ALK: variants seen among roughly 807,000 people sequenced by gnomAD.
The protein encoded by ALK is ALK tyrosine kinase receptor.
A neutral mutation model predicts 163.1 loss-of-function variants in ALK; 74 were observed. The observed-to-expected ratio is 0.45, with a 90% confidence interval of 0.38 to 0.55. The LOEUF (loss-of-function observed/expected upper bound fraction) is 0.55. ALK is among the 20% of genes least tolerant of loss of function. ALK has a pLI of 0.00. For synonymous variants in ALK, 960 were observed against 843.2 expected (o/e 1.14, Z -2.40); for missense variants, 2,063 against 2,105.3 (o/e 0.98, Z 0.39).
chr2:29,540,595 A>ATT (rs766415504), intron 3 of ALK, among the ~76,000 whole-genome samples: 4 of 144,074 alleles, frequency 2.8e-5, no homozygotes, highest in African/African-American at 7.9e-5. Flanking sequence ...TTTTTTTTAA[A>ATT]AAAAAAAAAC....
intron 3 of ALK, among the ~76,000 whole-genome samples, chr2:29,565,986 G>A (rs1674175025): frequency 6.6e-6 from 1 of 152,222 alleles, no homozygotes; most frequent in Non-Finnish European, 1.5e-5. Flanking sequence ...TTACTTCTTC[G>A]AGTGACTCTC....
chr2:29,741,814 C>A (rs989768819), intron 1 of ALK, among the ~76,000 whole-genome samples: 1 of 152,160 alleles, frequency 6.6e-6, no homozygotes, highest in African/African-American at 2.4e-5. Flanking sequence ...GACATGGGAT[C>A]CAAGCTGCAG....
chr2:29,713,543 C>G (rs1679165913), intron 2 of ALK, among the ~76,000 whole-genome samples: 1 of 152,160 alleles, frequency 6.6e-6, no homozygotes, highest in Admixed American at 6.5e-5. Context: ...TCAGACTGAT[C>G]ATTTAGCTAA....
chr2:29,873,689 G>A (rs1377319931), intron 1 of ALK, among the ~76,000 whole-genome samples: 1 of 152,050 alleles, frequency 6.6e-6, no homozygotes, highest in Non-Finnish European at 1.5e-5. Flanking sequence ...ACAGGAAGAA[G>A]CAGATGCCTC....
chr2:29,333,088 T>C (rs1290290258), intron 5 of ALK, among the ~76,000 whole-genome samples: 1 of 152,154 alleles, frequency 6.6e-6, no homozygotes, highest in Non-Finnish European at 1.5e-5. Context: ...TTGGATTTCT[T>C]TGATAGCCAG....
intron 1 of ALK, among the ~76,000 whole-genome samples, chr2:29,900,995 G>GAGCGAGCA (rs1553377660): frequency 6.7e-6 from 1 of 148,600 alleles, no homozygotes; most frequent in African/African-American, 2.5e-5. Context: ...GAGAGAGAGA[G>GAGCGAGCA]AGCAAGCAAG....
intron 5 of ALK, among the ~76,000 whole-genome samples, chr2:29,348,208 C>T (rs1668009396): frequency 6.6e-6 from 1 of 152,084 alleles, no homozygotes; most frequent in Non-Finnish European, 1.5e-5. Flanking sequence ...CCAAGTTGCT[C>T]CATCTCTCCT....
rs949487239 is a variant in ALK, at chr2:29,453,396, AT to A, written c.1155-69538del. Among the ~76,000 whole-genome samples the A allele has an allele frequency of 2.0e-3, 298 of 148,262 alleles. 2 individuals carry two copies. The highest frequency in any genetic ancestry group is 7.1e-3 in the Middle Eastern group (2 of 282). On this transcript the variant is annotated intron_variant, in intron 4 of 28. Transcript: ENST00000389048. ...CAAGTGTGCACCAACATGCCTGGCA[AT>A]TTTTTTTTTTAATTTTTTGGTAGAG...
chr2:29,279,141 G>A lies in ALK; in HGVS notation c.1818-3645C>T, dbSNP rs116288130. On this transcript the variant is annotated intron_variant, in intron 9 of 28. Coordinates refer to ENST00000389048, the MANE Select transcript of ALK (RefSeq NM_004304.5). ...CTCTTAGCATGGATGGGATGATGCC[G>A]GCTGAGGCTGGAATGGTTTCTAAAT... is the stretch of plus-strand genomic sequence containing the variant. Among the ~76,000 whole-genome samples the A allele has an allele frequency of 9.4e-3, 1,426 of 152,304 alleles. 25 individuals are homozygous for A. Among genetic ancestry groups the A allele is most frequent in the Non-Finnish European group, 0.015 (1,027 of 68,032 alleles).
chr2:29,394,683 TAG>T (rs1460237877), intron 4 of ALK, among the ~76,000 whole-genome samples: 1 of 152,190 alleles, frequency 6.6e-6, no homozygotes, highest in African/African-American at 2.4e-5. Flanking sequence ...TTTCTGTGAT[TAG>T]AGTCCCAGGT....
intron 26 of ALK, among the ~76,000 whole-genome samples, chr2:29,202,820 ATTTTTG>A (rs1337349897): frequency 1.3e-5 from 2 of 151,952 alleles, no homozygotes; most frequent in African/African-American, 2.4e-5. Flanking sequence ...TTTTGTTTTT[ATTTTTG>A]TTTTTGTTTT....
intron 11 of ALK, among the ~76,000 whole-genome samples, chr2:29,257,996 G>T (rs1001764697): frequency 6.6e-6 from 1 of 152,094 alleles, no homozygotes; most frequent in Non-Finnish European, 1.5e-5. Flanking sequence ...ATGCCACCAT[G>T]CTCAGCTAAA....
At chr2:29,897,334 T>C (rs1315630220) in intron 1 of ALK, among the ~76,000 whole-genome samples, 1 of 146,932 alleles carries the variant, frequency 6.8e-6, no homozygotes, top group Admixed American at 6.8e-5. Flanking sequence ...TGAGACTCCA[T>C]CTCAAAAAAA....
Position 29,718,217 on chromosome 2 carries a change from G to A in ALK, c.668-520C>T, listed in dbSNP as rs185378136. Among the ~76,000 whole-genome samples, 356 of 152,302 alleles carry A rather than the reference G, an allele frequency of 2.3e-3. 1 individual carries two copies. The highest frequency in any genetic ancestry group is 8.2e-3 in the African/African-American group (340 of 41,560). ...TTGTCAGGGTTGTGGGGGAAGCTAG[G>A]TGACCGGAGTTTTCCCAAAGCCAAG... On this transcript the variant is annotated intron_variant, in intron 1 of 28. Coordinates refer to ENST00000389048, the MANE Select transcript of ALK (RefSeq NM_004304.5).
chr2:29,723,631 C>CACACT (rs1395569272), intron 1 of ALK, among the ~76,000 whole-genome samples: 1 of 152,192 alleles, frequency 6.6e-6, no homozygotes, highest in East Asian at 1.9e-4. Flanking sequence ...AGGCTAAGCA[C>CACACT]ACACTCTGCC....
chr2:29,613,132 A>G (rs1222990107), intron 3 of ALK, among the ~76,000 whole-genome samples: 4 of 152,342 alleles, frequency 2.6e-5, no homozygotes, highest in South Asian at 2.1e-4. Context: ...TTGTTTACTC[A>G]TAAGTGTTCT....
chr2:29,700,289 T>C (rs1678693977), intron 2 of ALK, among the ~76,000 whole-genome samples: 1 of 152,170 alleles, frequency 6.6e-6, no homozygotes, highest in Admixed American at 6.5e-5. Flanking sequence ...CTCACGCCTG[T>C]AATCCCAGCA....
At chr2:29,686,363 T>C (rs1678240278) in intron 3 of ALK, among the ~76,000 whole-genome samples, 1 of 152,180 alleles carries the variant, frequency 6.6e-6, no homozygotes, top group Non-Finnish European at 1.5e-5. Flanking sequence ...CACTGGGCTG[T>C]TTAGATTCCA....
chr2:29,884,407 G>A (rs765612493), intron 1 of ALK, among the ~76,000 whole-genome samples: 3 of 152,126 alleles, frequency 2.0e-5, no homozygotes, highest in Non-Finnish European at 2.9e-5. Context: ...GCCATAGATT[G>A]AGGTCTGCAG....
Sources: allele counts gnomAD v4.1 joint callset (sites outside exome capture counted in the v4.1 genomes callset), GRCh38; gene constraint gnomAD v4.1.1; transcripts MANE v1.5; gene names NCBI Gene and HGNC (gene_info 2026-07-23, HGNC 2026-07-21).